The following WTIP variants were observed in gnomAD, a reference collection of about 807,000 sequenced individuals.
The protein encoded by WTIP is Wilms tumor protein 1-interacting protein.
In WTIP, 23 loss-of-function variants were observed where a neutral mutation model predicts 41.7. That is an observed-to-expected ratio of 0.55 (90% CI 0.40 to 0.78). The LOEUF is 0.78. Among genes scored for constraint, WTIP ranks in the 30% least tolerant of loss-of-function variants. The probability of loss-of-function intolerance (pLI) is 0.00; values close to 1 mark genes in which losing one functional copy is unlikely to be tolerated. For synonymous variants in WTIP, 314 were observed against 269.9 expected, an observed-to-expected ratio of 1.16 and a Z score of -1.60; for missense variants, 619 against 610.5, an observed-to-expected ratio of 1.01 and a Z score of -0.15.
Position 34,493,467 on chromosome 19 carries a change from A to G in WTIP, c.901-25A>G. On this transcript the variant is annotated intron_variant, in intron 4 of 7. Coordinates refer to ENST00000590071, the MANE Select transcript of WTIP (RefSeq NM_001080436.2). The surrounding 1 kb of genome is among the most constrained non-coding windows in gnomAD (Gnocchi z 4.1). ...GGTGCTGAGCCTCCTGCCCGCGCTG[A>G]CCCCTCAGTGTGCCCCGCCCACAGA... 6.2e-7 allele frequency: 1 copy of G among 1,612,508 alleles called. No homozygotes were observed. The highest frequency in any genetic ancestry group is 8.5e-7 in the Non-Finnish European group (1 of 1,179,586).
Position 34,481,920 on chromosome 19 carries a change from AG to A in WTIP, c.-54del. ...GCGGACGATGCGGCGGCCCGGCCGG[AG>A]CGGCGGCGGGAAGCGGAGGCGGAGG... On this transcript the variant is annotated 5_prime_UTR_variant, in exon 1 of 8. It removes the in-frame stop codon of an upstream open reading frame in the 5' UTR. Transcript: ENST00000590071. 1.0e-6 allele frequency: 1 copy of A among 960,334 alleles called. No homozygotes were observed. Among genetic ancestry groups the A allele is most frequent in the Non-Finnish European group, 1.2e-6 (1 of 808,336 alleles). The allele number at this position is 960,334 out of a possible 1,614,324, so 59.5% of individuals were successfully genotyped here. A position where few individuals can be genotyped will look rare whatever the true frequency, so the allele number is the denominator to read the frequency against.
In WTIP at chr19:34,504,875, G is replaced by A. The variant is rs986878174; in HGVS notation, c.*4606G>A. On this transcript the variant is annotated 3_prime_UTR_variant, in exon 8 of 8. Transcript: ENST00000590071. ...GCCAGGAGGCCAGCAAGGACTTCCG[G>A]TGCCACACTCGGGAGGGGTGAGGGC... 4 of 152,366 alleles carry A rather than the reference G, an allele frequency of 2.6e-5. No individual in the cohort carries two copies. The highest frequency in any genetic ancestry group is 9.7e-5 in the African/African-American group (4 of 41,444). The allele number at this position is 152,366 out of a possible 1,614,324, so 9.4% of individuals were successfully genotyped here. A position where few individuals can be genotyped will look rare whatever the true frequency, so the allele number is the denominator to read the frequency against.
chr19:34,497,647 C>T (rs79715786), intron 7 of WTIP, among the ~76,000 whole-genome samples: 9 of 152,280 alleles, frequency 5.9e-5, no homozygotes, highest in African/African-American at 1.2e-4. Context: ...GGCGACCGCG[C>T]CCCAGCAAGA....
chr19:34,500,351 G>A lies in WTIP; in HGVS notation c.*82G>A. Reference sequence around the variant, plus strand: ...CGTGGGTGGCCCTGGTCAGCGTCAGGGGAGCTCCCTCCAATCAGTTTCCCA... The same window carrying A: ...CGTGGGTGGCCCTGGTCAGCGTCAGAGGAGCTCCCTCCAATCAGTTTCCCA... On this transcript the variant is annotated 3_prime_UTR_variant, in exon 8 of 8. Coordinates refer to ENST00000590071, the MANE Select transcript of WTIP (RefSeq NM_001080436.2). 7.0e-7 allele frequency: 1 copy of A among 1,425,212 alleles called. No individual in the cohort carries two copies. The highest frequency in any genetic ancestry group is 9.2e-7 in the Non-Finnish European group (1 of 1,082,920). The allele number at this position is 1,425,212 out of a possible 1,614,324, so 88.3% of individuals were successfully genotyped here. A position where few individuals can be genotyped will look rare whatever the true frequency, so the allele number is the denominator to read the frequency against.
chr19:34,488,655 C>G (rs1483274505), intron 1 of WTIP, among the ~76,000 whole-genome samples: 1 of 151,914 alleles, frequency 6.6e-6, no homozygotes, highest in Admixed American at 6.6e-5. Flanking sequence ...GCATGAGCCA[C>G]TGCACCCAGC....
Position 34,493,543 on chromosome 19 carries a change from G to T in WTIP, c.952G>T (p.Val318Leu). Residue 318 changes from valine to leucine, a missense_variant, in exon 5 of 8, where the codon GTG becomes TTG. By Grantham distance (32) the Val-to-Leu change is conservative. Coordinates refer to ENST00000590071, the MANE Select transcript of WTIP (RefSeq NM_001080436.2). The surrounding 1 kb of genome is among the most constrained non-coding windows in gnomAD (Gnocchi z 4.1). ...SYHPGCFRCS[V>L]CNECLDGVPF... ...CCACCCAGGCTGCTTCCGGTGCTCCGTGTGCAATGAGTGCCTGGACGGGGT... is the reference window on the plus strand; with the variant it reads ...CCACCCAGGCTGCTTCCGGTGCTCCTTGTGCAATGAGTGCCTGGACGGGGT... The T allele has an allele frequency of 6.2e-7, 1 of 1,613,718 alleles. No individual in the cohort carries two copies. Among genetic ancestry groups the T allele is most frequent in the South Asian group, 1.1e-5 (1 of 91,088 alleles).
At chr19:34,496,797 G>A (rs949927625) in intron 7 of WTIP, among the ~76,000 whole-genome samples, 5 of 152,086 alleles carry the variant, frequency 3.3e-5, no homozygotes, top group Admixed American at 6.6e-5. Flanking sequence ...GTAAGTGGGC[G>A]GGGGTTCAGC....
At position 34,506,855 on chromosome 19, in the gene WTIP, TG is replaced by T. The variant is rs1451939979; in HGVS notation, c.*6587del. The T allele has an allele frequency of 1.3e-5, 2 of 152,180 alleles. No homozygotes were observed. The highest frequency in any genetic ancestry group is 2.9e-5 in the Non-Finnish European group (2 of 68,030). 9.4% of individuals were successfully genotyped at this position (152,180 alleles called of 1,614,324 possible). A position where few individuals can be genotyped will look rare whatever the true frequency, so the allele number is the denominator to read the frequency against. On this transcript the variant is annotated 3_prime_UTR_variant, in exon 8 of 8. Coordinates refer to ENST00000590071, the MANE Select transcript of WTIP (RefSeq NM_001080436.2). ...TCCCTGAAGTAGGTGCTCTTTCCCG[TG>T]AAAACTACTTTTTTGGTTTGGTTTG...
At position 34,500,583 on chromosome 19, in the gene WTIP, C is replaced by T; in HGVS notation, c.*314C>T. On this transcript the variant is annotated 3_prime_UTR_variant, in exon 8 of 8. Transcript: ENST00000590071. ...AGGGCCCCTGCCTTGGCCAGGGGTG[C>T]GAGGTGACCCGGCTGCATTGCTGGG... 1 of 294,878 alleles carries T rather than the reference C, an allele frequency of 3.4e-6. No homozygotes were observed. Among genetic ancestry groups the T allele is most frequent in the East Asian group, 6.0e-5 (1 of 16,806 alleles). The allele number at this position is 294,878 out of a possible 1,614,324, so 18.3% of individuals were successfully genotyped here.
intron 7 of WTIP, among the ~76,000 whole-genome samples, chr19:34,498,158 G>A (rs757300832): frequency 6.6e-6 from 1 of 152,154 alleles, no homozygotes. Flanking sequence ...GGCGGGCCAG[G>A]TGTTGGTGTC....
Position 34,501,212 on chromosome 19 carries a change from C to G in WTIP, c.*943C>G, listed in dbSNP as rs1048882550. ...TTGTTATTTTTAAAGCAAATGCCGGCAAACTCACAAGTGTCTAGTTTGTCT... is the reference window on the plus strand; with the variant it reads ...TTGTTATTTTTAAAGCAAATGCCGGGAAACTCACAAGTGTCTAGTTTGTCT... On this transcript the variant is annotated 3_prime_UTR_variant, in exon 8 of 8. Transcript: ENST00000590071. The G allele has an allele frequency of 6.6e-6, 1 of 152,666 alleles. No homozygotes were observed. The highest frequency in any genetic ancestry group is 1.5e-5 in the Non-Finnish European group (1 of 68,048). The allele number at this position is 152,666 out of a possible 1,614,324, so 9.5% of individuals were successfully genotyped here.
rs1261613485 is a variant in WTIP, at chr19:34,493,686, A to T, written c.1031+64A>T. The T allele has an allele frequency of 1.4e-5, 22 of 1,603,068 alleles. No homozygotes were observed. The highest frequency in any genetic ancestry group is 1.8e-5 in the Non-Finnish European group (21 of 1,174,230). The stretch of plus-strand genomic sequence containing the variant: ...CGTCCTCCCTGGCTCCTCTGGAAGC[A>T]TTTTTTTCCTGCTGGACTGACTGCC... On this transcript the variant is annotated intron_variant, in intron 5 of 7. Transcript: ENST00000590071. This position sits in a 1 kb window ranked among gnomAD's most constrained non-coding sequence, Gnocchi z 4.1.
chr19:34,495,567 G>A (rs2075848463), intron 6 of WTIP, 136 bp from the exon 7 acceptor site: 1 of 874,640 alleles, frequency 1.1e-6, no homozygotes, highest in Non-Finnish European at 1.8e-6. Context: ...CCCCACAGAA[G>A]CAGCGTGGCA....
At chr19:34,489,661 G>A (rs542938471) in intron 1 of WTIP, among the ~76,000 whole-genome samples, 2 of 152,350 alleles carry the variant, frequency 1.3e-5, no homozygotes, top group Admixed American at 1.3e-4. Flanking sequence ...ACCATGATAG[G>A]CTGGGTGTGG....
rs2075912863 is a variant in WTIP at position 34,506,732 on chromosome 19, C to T, written c.*6463C>T. The T allele has an allele frequency of 6.6e-6, 1 of 151,644 alleles. No homozygotes were observed. The highest frequency in any genetic ancestry group is 2.1e-4 in the South Asian group (1 of 4,792). The allele number at this position is 151,644 out of a possible 1,614,324, so 9.4% of individuals were successfully genotyped here. Reference sequence around the variant, plus strand: ...CCGAGTTCACACCACTGCACTCCAGCCTGGGTGACAGAGCTAGACGCTATC... The same window carrying T: ...CCGAGTTCACACCACTGCACTCCAGTCTGGGTGACAGAGCTAGACGCTATC... On this transcript the variant is annotated 3_prime_UTR_variant, in exon 8 of 8. Transcript: ENST00000590071.
At position 34,500,585 on chromosome 19, in the gene WTIP, A is replaced by G; in HGVS notation, c.*316A>G. Reference sequence around the variant, plus strand: ...GGCCCCTGCCTTGGCCAGGGGTGCGAGGTGACCCGGCTGCATTGCTGGGTG... The same window carrying G: ...GGCCCCTGCCTTGGCCAGGGGTGCGGGGTGACCCGGCTGCATTGCTGGGTG... On this transcript the variant is annotated 3_prime_UTR_variant, in exon 8 of 8. Transcript: ENST00000590071. 1 of 294,132 alleles carries G rather than the reference A, an allele frequency of 3.4e-6. No individual in the cohort carries two copies. Among genetic ancestry groups the G allele is most frequent in the Non-Finnish European group, 6.3e-6 (1 of 159,130 alleles). The allele number at this position is 294,132 out of a possible 1,614,324, so 18.2% of individuals were successfully genotyped here. A position where few individuals can be genotyped will look rare whatever the true frequency, so the allele number is the denominator to read the frequency against.
rs776714378 is a variant in WTIP at position 34,500,149 on chromosome 19, CG to C, written c.1177del (p.Glu393ArgfsTer220). On this transcript the variant is annotated frameshift_variant, in exon 8 of 8. Transcript: ENST00000590071. LOFTEE classifies it high-confidence loss of function. Reference protein sequence around the residue: ...HCEDCGLQLSGEEGRRCYPLA... With the variant: ...HCEDCGLQLSXEEGRRCYPLA... ...CCTAGGACTGCGGGCTGCAGCTGAG[CG>C]GGGAGGAGGGACGCCGTTGCTATCC... The C allele has an allele frequency of 6.2e-7, 1 of 1,600,532 alleles. No individual in the cohort carries two copies. The highest frequency in any genetic ancestry group is 8.5e-7 in the Non-Finnish European group (1 of 1,179,728).
chr19:34,490,031 G>GT (rs2075817651), intron 1 of WTIP, among the ~76,000 whole-genome samples: 1 of 152,190 alleles, frequency 6.6e-6, no homozygotes, highest in Non-Finnish European at 1.5e-5. Flanking sequence ...TTTAACCCAG[G>GT]AGTTTGAAAC....
At chr19:34,484,292 G>A (rs2075786416) in intron 1 of WTIP, among the ~76,000 whole-genome samples, 1 of 152,134 alleles carries the variant, frequency 6.6e-6, no homozygotes, top group Non-Finnish European at 1.5e-5. Flanking sequence ...CCAGAGAGAG[G>A]GAAGAATGAG....
Sources: gnomAD v4.1 joint callset for allele counts (sites outside exome capture counted in the v4.1 genomes callset) on GRCh38, gnomAD v4.1.1 for gene constraint, Gnocchi (gnomAD v3.1) non-coding constraint, MANE v1.5 for transcripts, NCBI Gene and HGNC (gene_info 2026-07-23, HGNC 2026-07-21) for gene names.